The following GPC5 variants were observed in gnomAD, a reference collection of about 807,000 sequenced individuals.
The protein encoded by GPC5 is glypican-5.
GPC5 carries 47 observed loss-of-function variants against 53.9 expected under a neutral mutation model. The observed-to-expected ratio is 0.87, with a 90% confidence interval of 0.69 to 1.11. The LOEUF (loss-of-function observed/expected upper bound fraction) is 1.11, where lower values mean the gene tolerates loss of function less well. Ranked by LOEUF, GPC5 falls within the 50% of genes most tolerant of loss-of-function variation. The pLI, the probability that GPC5 is intolerant of heterozygous loss-of-function variation, is 0.00. For synonymous variants in GPC5, 286 were observed against 263.3 expected, an observed-to-expected ratio of 1.09 and a Z score of -0.84; for missense variants, 748 against 713.1, an observed-to-expected ratio of 1.05 and a Z score of -0.56.
chr13:92,575,531 C>A (rs1883163700), intron 7 of GPC5, among the ~76,000 whole-genome samples: 1 of 152,110 alleles, frequency 6.6e-6, no homozygotes, highest in Non-Finnish European at 1.5e-5. Context: ...GCCTCCAGAA[C>A]TGCGCGAGAA....
At chr13:92,652,693 G>A (rs1416946593) in intron 7 of GPC5, among the ~76,000 whole-genome samples, 3 of 152,136 alleles carry the variant, frequency 2.0e-5, no homozygotes, top group African/African-American at 7.2e-5. Context: ...TATACAAACT[G>A]ATACATAATA....
In GPC5 at chr13:92,217,911, CTTTT is replaced by C. The variant is rs61595116; in HGVS notation, c.1561+72944_1561+72947del. 6.1e-3 allele frequency among the ~76,000 whole-genome samples: 520 copies of C among 85,184 alleles called. 5 individuals are homozygous for C. The highest frequency in any genetic ancestry group is 0.024 in the African/African-American group (474 of 19,942). The allele number at this position is 85,184 out of a possible 152,430, so 55.9% of individuals were successfully genotyped here. A position where few individuals can be genotyped will look rare whatever the true frequency, so the allele number is the denominator to read the frequency against. ...TTCCATGGCACTGGTATTATTTCTACTTTTTTTTTTTTTTTTTTTTTTTTTAGGC... is the reference window on the plus strand; with the variant it reads ...TTCCATGGCACTGGTATTATTTCTACTTTTTTTTTTTTTTTTTTTTTAGGC... On this transcript the variant is annotated intron_variant, in intron 7 of 7. Coordinates refer to ENST00000377067, the MANE Select transcript of GPC5 (RefSeq NM_004466.6).
intron 7 of GPC5, among the ~76,000 whole-genome samples, chr13:92,318,772 C>A (rs76929539): frequency 6.6e-6 from 1 of 152,068 alleles, no homozygotes; most frequent in Non-Finnish European, 1.5e-5. Flanking sequence ...TATGTTCTTA[C>A]GGTAGAAATG....
At chr13:91,558,501 T>A (rs928085702) in intron 2 of GPC5, among the ~76,000 whole-genome samples, 1 of 152,222 alleles carries the variant, frequency 6.6e-6, no homozygotes, top group East Asian at 1.9e-4. Flanking sequence ...ACTGTTAGTA[T>A]AAGGTGCTGG....
rs1237660090 is a variant in GPC5, at chr13:91,398,837, G to A, written c.-210G>A. The A allele has an allele frequency of 3.7e-6, 2 of 535,652 alleles. No individual in the cohort carries two copies. The highest frequency in any genetic ancestry group is 6.6e-5 in the East Asian group (2 of 30,392). The allele number at this position is 535,652 out of a possible 1,614,324, so 33.2% of individuals were successfully genotyped here. A position where few individuals can be genotyped will look rare whatever the true frequency, so the allele number is the denominator to read the frequency against. ...AAGAAGACCAGAGGGTGCTCAGCTG[G>A]AAAACTCTGGTGTCTCAGCTTAGGG... is the stretch of plus-strand genomic sequence containing the variant. On this transcript the variant is annotated 5_prime_UTR_variant, in exon 1 of 8. Coordinates refer to ENST00000377067, the MANE Select transcript of GPC5 (RefSeq NM_004466.6).
intron 2 of GPC5, among the ~76,000 whole-genome samples, chr13:91,457,484 T>C (rs1338485830): frequency 2.6e-5 from 4 of 152,150 alleles, no homozygotes; most frequent in Admixed American, 2.6e-4. Flanking sequence ...ATATAGCACA[T>C]GACAGCATCT....
intron 7 of GPC5, among the ~76,000 whole-genome samples, chr13:92,525,940 C>T (rs745690092): frequency 9.2e-5 from 14 of 152,092 alleles, no homozygotes; most frequent in Non-Finnish European, 1.9e-4. Flanking sequence ...CTCTTTACTA[C>T]CTTGATGCTC....
At chr13:92,696,384 C>T (rs1887557609) in intron 7 of GPC5, among the ~76,000 whole-genome samples, 1 of 152,174 alleles carries the variant, frequency 6.6e-6, no homozygotes, top group South Asian at 2.1e-4. Flanking sequence ...TTAATGACCG[C>T]CATTCTAACT....
intron 2 of GPC5, among the ~76,000 whole-genome samples, chr13:91,567,321 ATATTCT>A (rs2031578639): frequency 6.6e-6 from 1 of 152,030 alleles, no homozygotes; most frequent in South Asian, 2.1e-4. Flanking sequence ...TTAAAAGCAG[ATATTCT>A]TATCTTTTGT....
intron 7 of GPC5, among the ~76,000 whole-genome samples, chr13:92,466,444 C>T (rs1878695053): frequency 6.6e-6 from 1 of 151,964 alleles, no homozygotes; most frequent in Non-Finnish European, 1.5e-5. Flanking sequence ...GACATTTTTT[C>T]ATTCAATTCA....
chr13:91,675,186 G>A (rs145224596), intron 2 of GPC5, among the ~76,000 whole-genome samples: 1 of 151,336 alleles, frequency 6.6e-6, no homozygotes, highest in African/African-American at 2.4e-5. Context: ...TTGGGTATAT[G>A]GGAGATGAAA....
chr13:91,644,189 T>G (rs998112689), intron 2 of GPC5, among the ~76,000 whole-genome samples: 4 of 152,194 alleles, frequency 2.6e-5, no homozygotes, highest in Admixed American at 6.5e-5. Flanking sequence ...GAACAATACC[T>G]AACACTAATT....
At chr13:92,795,054 C>G (rs1857308933) in intron 7 of GPC5, among the ~76,000 whole-genome samples, 1 of 151,904 alleles carries the variant, frequency 6.6e-6, no homozygotes, top group South Asian at 2.1e-4. Flanking sequence ...CATATGGAAC[C>G]AAAAAAGAGC....
intron 6 of GPC5, among the ~76,000 whole-genome samples, chr13:91,990,586 A>G (rs530648229): frequency 6.6e-6 from 1 of 152,350 alleles, no homozygotes; most frequent in Admixed American, 6.5e-5. Context: ...TATGTTTAAT[A>G]CATTTAAAAA....
chr13:92,761,400 G>A (rs372932761), intron 7 of GPC5, among the ~76,000 whole-genome samples: 2 of 152,206 alleles, frequency 1.3e-5, no homozygotes, highest in Admixed American at 6.5e-5. Context: ...TAATTGTTAC[G>A]CCCTCTTGAG....
chr13:92,235,469 C>T (rs540165670), intron 7 of GPC5, among the ~76,000 whole-genome samples: 1 of 151,876 alleles, frequency 6.6e-6, no homozygotes, highest in Non-Finnish European at 1.5e-5. Flanking sequence ...ATTTTCATAC[C>T]CATATTCCAC....
intron 7 of GPC5, among the ~76,000 whole-genome samples, chr13:92,640,815 G>A (rs1885570600): frequency 6.6e-6 from 1 of 152,120 alleles, no homozygotes; most frequent in Non-Finnish European, 1.5e-5. Flanking sequence ...GGATTGTAAT[G>A]ATTAAATAAA....
At chr13:92,786,478 A>T (rs1005308880) in intron 7 of GPC5, among the ~76,000 whole-genome samples, 2 of 152,168 alleles carry the variant, frequency 1.3e-5, no homozygotes, top group African/African-American at 4.8e-5. Flanking sequence ...TGAGACTGGC[A>T]TATCTGAAAA....
intron 4 of GPC5, 125 bp from the exon 5 acceptor site, chr13:91,756,170 C>A: frequency 1.8e-6 from 1 of 565,330 alleles, no homozygotes; most frequent in Non-Finnish European, 2.6e-6. Flanking sequence ...AAATTATATT[C>A]TAAACATTAT....
Sources: gnomAD v4.1 joint callset for allele counts (sites outside exome capture counted in the v4.1 genomes callset) on GRCh38, gnomAD v4.1.1 for gene constraint, MANE v1.5 for transcripts, NCBI Gene and HGNC (gene_info 2026-07-23, HGNC 2026-07-21) for gene names.